LYN: variants seen among roughly 807,000 people sequenced by gnomAD.
LYN encodes the protein tyrosine-protein kinase Lyn.
A neutral mutation model predicts 65.0 loss-of-function variants in LYN; 12 were observed. That is an observed-to-expected ratio of 0.18 (90% confidence interval 0.12 to 0.30). The LOEUF is 0.30. Ranked by LOEUF, LYN falls within the 10% of genes least tolerant of loss-of-function variation. The pLI, the probability that LYN is intolerant of heterozygous loss-of-function variation, is 1.00. For missense variants in LYN, 380 were observed against 623.2 expected (o/e 0.61, Z 4.16); for synonymous variants, 222 against 221.2 (o/e 1.00, Z -0.03).
At chr8:55,985,857 A>T (rs1808058808) in intron 10 of LYN, among the ~76,000 whole-genome samples, 2 of 152,050 alleles carry the variant, frequency 1.3e-5, no homozygotes, top group Non-Finnish European at 2.9e-5. Flanking sequence ...AGATACCTTG[A>T]CCTTCAGTCT....
chr8:55,990,506 T>C (rs1224127950), intron 10 of LYN, among the ~76,000 whole-genome samples: 6 of 152,292 alleles, frequency 3.9e-5, no homozygotes, highest in East Asian at 1.9e-4. Context: ...CTCTATAGAA[T>C]ATAAATTTCC....
chr8:55,996,659 C>T (rs1310265629), intron 10 of LYN, among the ~76,000 whole-genome samples: 1 of 151,528 alleles, frequency 6.6e-6, no homozygotes, highest in Non-Finnish European at 1.5e-5. Context: ...TCCTTCCCTC[C>T]TTCCTTTCCT....
chr8:55,963,404 G>C (rs1440653661), intron 8 of LYN, among the ~76,000 whole-genome samples: 1 of 152,230 alleles, frequency 6.6e-6, no homozygotes, highest in Non-Finnish European at 1.5e-5. Context: ...CCCCAAGGCA[G>C]CACAGGCAGT....
intron 8 of LYN, among the ~76,000 whole-genome samples, chr8:55,964,754 G>A (rs1807399806): frequency 6.6e-6 from 1 of 152,148 alleles, no homozygotes; most frequent in Admixed American, 6.5e-5. Context: ...CATACTCATT[G>A]ACAAATCCAA....
chr8:55,995,381 G>C (rs964801885), intron 10 of LYN, among the ~76,000 whole-genome samples: 1 of 152,170 alleles, frequency 6.6e-6, no homozygotes, highest in Admixed American at 6.5e-5. Flanking sequence ...CAGGGGACAC[G>C]AAGTCACTGC....
At chr8:55,961,488 A>G (rs534535977) in intron 8 of LYN, among the ~76,000 whole-genome samples, 13 of 152,274 alleles carry the variant, frequency 8.5e-5, no homozygotes, top group Non-Finnish European at 1.6e-4. Flanking sequence ...GCCCTAAGAG[A>G]TCATCTGGGA....
intron 10 of LYN, among the ~76,000 whole-genome samples, chr8:55,994,335 T>C (rs1808318329): frequency 6.6e-6 from 1 of 152,252 alleles, no homozygotes. Flanking sequence ...TAATCCTGTC[T>C]TGGTGAACGC....
In LYN at chr8:56,010,800, C is replaced by A. The variant is rs947319398; in HGVS notation, c.*690C>A. 4.3e-6 allele frequency: 1 copy of A among 230,692 alleles called. No individual in the cohort carries two copies. Among genetic ancestry groups the A allele is most frequent in the African/African-American group, 2.2e-5 (1 of 45,220 alleles). The allele number at this position is 230,692 out of a possible 1,614,324, so 14.3% of individuals were successfully genotyped here. On this transcript the variant is annotated 3_prime_UTR_variant, in exon 13 of 13. Coordinates refer to ENST00000519728, the MANE Select transcript of LYN (RefSeq NM_002350.4). ...AGGAGGAGCCCGTGAGCACGCACAG[C>A]TGCCCTGTCTGCTCACCCGAAGGCA... is the stretch of plus-strand genomic sequence containing the variant.
At chr8:55,971,420 C>T (rs1038047032) in intron 10 of LYN, among the ~76,000 whole-genome samples, 3 of 152,230 alleles carry the variant, frequency 2.0e-5, no homozygotes, top group African/African-American at 4.8e-5. Context: ...CATACTTACA[C>T]GGATCAATGA....
intron 8 of LYN, among the ~76,000 whole-genome samples, chr8:55,963,075 C>T (rs531590494): frequency 2.2e-4 from 33 of 152,352 alleles, no homozygotes; most frequent in African/African-American, 7.7e-4. Flanking sequence ...ACCTCCAACA[C>T]TGGGGATCAA....
chr8:55,998,259 GA>G, intron 10 of LYN, 86 bp from the exon 11 acceptor site: 1 of 993,562 alleles, frequency 1.0e-6, no homozygotes. Context: ...AAGATTTCAG[GA>G]ATTCATAAGT....
intron 1 of LYN, among the ~76,000 whole-genome samples, chr8:55,937,948 C>T (rs1404977752): frequency 2.0e-5 from 3 of 152,146 alleles, no homozygotes; most frequent in East Asian, 3.8e-4. Context: ...CCACCCGCCT[C>T]GGCCTCCCAA....
chr8:55,883,591 A>G (rs6999117), intron 1 of LYN, among the ~76,000 whole-genome samples: 22,683 of 152,228 alleles, frequency 0.15, 1,928 homozygotes, highest in Middle Eastern at 0.23. Flanking sequence ...CCTGAGTAAT[A>G]CTTTGCAAAA....
chr8:55,947,732 T>C lies in LYN; in HGVS notation c.284+9T>C, dbSNP rs746942159. On this transcript the variant is annotated intron_variant, in intron 4 of 12. Coordinates refer to ENST00000519728, the MANE Select transcript of LYN (RefSeq NM_002350.4). ...ATGAAAGTCCTGGAGGAGTAAGTGC[T>C]CTCAAGCACGCCACGGCTGCTCGTT... 1.4e-5 allele frequency: 22 copies of C among 1,589,540 alleles called. No individual in the cohort carries two copies. The East Asian group carries it at 4.2e-4, about 31-fold the overall frequency.
chr8:55,891,468 T>C (rs1804961961), intron 1 of LYN, among the ~76,000 whole-genome samples: 2 of 152,062 alleles, frequency 1.3e-5, no homozygotes, highest in South Asian at 2.1e-4. Context: ...AGTCCACTAA[T>C]GTGAGGTTCC....
chr8:55,986,195 A>C (rs1475251172), intron 10 of LYN, among the ~76,000 whole-genome samples: 155 of 101,980 alleles, frequency 1.5e-3, no homozygotes, highest in African/African-American at 1.8e-3. Flanking sequence ...TCCCCCCCGC[A>C]AAAAAAAACG....
At chr8:55,977,779 G>A (rs770410618) in intron 10 of LYN, among the ~76,000 whole-genome samples, 1 of 150,218 alleles carries the variant, frequency 6.7e-6, no homozygotes, top group East Asian at 1.9e-4. Flanking sequence ...AATTAGCCAG[G>A]CCTGATGGTC....
At chr8:55,969,892 G>A (rs990097385) in intron 10 of LYN, 99 bp downstream of exon 10, 46 of 1,039,880 alleles carry the variant, frequency 4.4e-5, no homozygotes, top group Non-Finnish European at 6.6e-5. Context: ...AGGAATTTCT[G>A]TTGAATGTTT....
intron 1 of LYN, among the ~76,000 whole-genome samples, chr8:55,940,590 G>A (rs1201434802): frequency 6.6e-6 from 1 of 152,148 alleles, no homozygotes; most frequent in Non-Finnish European, 1.5e-5. Context: ...TGGCCAGGAT[G>A]GTCTCCATCT....
Sources: allele counts gnomAD v4.1 joint callset (sites outside exome capture counted in the v4.1 genomes callset), GRCh38; gene constraint gnomAD v4.1.1; transcripts MANE v1.5; gene names NCBI Gene and HGNC (gene_info 2026-07-23, HGNC 2026-07-21).